The following SH3PXD2A variants were observed in gnomAD, a reference collection of about 807,000 sequenced individuals.
SH3PXD2A encodes the protein SH3 and PX domains 2A, also known as SH3 and PX domain-containing protein 2A.
A neutral mutation model predicts 115.2 loss-of-function variants in SH3PXD2A; 32 were observed. The observed-to-expected ratio is 0.28, with a 90% CI of 0.21 to 0.37. The LOEUF is 0.37. Among genes scored for constraint, SH3PXD2A ranks in the 10% least tolerant of loss-of-function variants. The pLI is 1.00. For synonymous variants in SH3PXD2A, 610 were observed against 629.1 expected (o/e 0.97, Z 0.45); for missense variants, 1,328 against 1,498.7 (o/e 0.89, Z 1.88).
At chr10:103,626,506 C>T (rs889427191) in intron 9 of SH3PXD2A, among the ~76,000 whole-genome samples, 7 of 151,870 alleles carry the variant, frequency 4.6e-5, no homozygotes, top group African/African-American at 1.7e-4. Flanking sequence ...CACAGATAGG[C>T]CCAGGCCAGT....
intron 3 of SH3PXD2A, among the ~76,000 whole-genome samples, chr10:103,744,381 G>A (rs1315850509): frequency 9.2e-5 from 14 of 152,008 alleles, no homozygotes; most frequent in African/African-American, 3.1e-4. Flanking sequence ...TCGAACTCCC[G>A]ACCTCAGGTG....
At chr10:103,646,618 C>T (rs1176362229) in intron 8 of SH3PXD2A, among the ~76,000 whole-genome samples, 1 of 152,174 alleles carries the variant, frequency 6.6e-6, no homozygotes, top group Non-Finnish European at 1.5e-5. Flanking sequence ...AACCACAGTC[C>T]CCTCAGCTGG....
chr10:103,603,012 C>T lies in SH3PXD2A; in HGVS notation c.2206G>A (p.Ala736Thr). Residue 736 changes from alanine to threonine, a missense_variant, in exon 15 of 15, where the codon GCA becomes ACA. Physicochemically the swap from Ala to Thr is moderately conservative, Grantham distance 58. Transcript: ENST00000369774. ...GCGTTCGCATCAGCATCCTTCTTTGCCCTGACCTTGGGAGTGCCGCGGATG... is the reference window on the plus strand; with the variant it reads ...GCGTTCGCATCAGCATCCTTCTTTGTCCTGACCTTGGGAGTGCCGCGGATG... ...AGIRGTPKVRAKKDADANAGL... is the reference protein window; with the variant it reads ...AGIRGTPKVRTKKDADANAGL... The T allele has an allele frequency of 6.2e-7, 1 of 1,614,152 alleles. No individual in the cohort carries two copies. Among genetic ancestry groups the T allele is most frequent in the African/African-American group, 1.3e-5 (1 of 75,062 alleles).
intron 3 of SH3PXD2A, among the ~76,000 whole-genome samples, chr10:103,757,687 A>G (rs983356420): frequency 6.6e-6 from 1 of 152,144 alleles, no homozygotes; most frequent in Admixed American, 6.5e-5. Context: ...TCCCTGCAAG[A>G]CCTGGAGGGT....
intron 3 of SH3PXD2A, chr10:103,736,812 T>A: frequency 7.8e-7 from 1 of 1,287,836 alleles, no homozygotes; most frequent in African/African-American, 1.5e-5. Context: ...GTTGCCTCAG[T>A]CTACCTAATT....
At chr10:103,769,395 GA>G (rs1220309076) in intron 2 of SH3PXD2A, among the ~76,000 whole-genome samples, 4 of 151,300 alleles carry the variant, frequency 2.6e-5, no homozygotes, top group Non-Finnish European at 5.9e-5. Flanking sequence ...AATACAGATG[GA>G]TATTTAACAA....
chr10:103,627,078 C>T lies in SH3PXD2A; in HGVS notation c.718+11G>A. 1 of 1,528,072 alleles carries T rather than the reference C, an allele frequency of 6.5e-7. No individual in the cohort carries two copies. The highest frequency in any genetic ancestry group is 2.3e-5 in the East Asian group (1 of 44,426). The allele number at this position is 1,528,072 out of a possible 1,614,324, so 94.7% of individuals were successfully genotyped here. ...CGTTGCTCCCTGCCCCTTGGACCTG[C>T]AAGCCCTCACCTTCTCCAGTCTTAG... On this transcript the variant is annotated intron_variant, in intron 9 of 14. Transcript: ENST00000369774. This position sits in a 1 kb window ranked among gnomAD's most constrained non-coding sequence, Gnocchi z 4.4.
intron 9 of SH3PXD2A, 109 bp downstream of exon 9, chr10:103,626,980 G>C: frequency 1.5e-6 from 1 of 669,392 alleles, no homozygotes; most frequent in Non-Finnish European, 2.7e-6. Context: ...GAGGAGGCTA[G>C]GATATGGCTC....
chr10:103,667,514 A>T (rs2037399239), intron 7 of SH3PXD2A, among the ~76,000 whole-genome samples: 1 of 152,198 alleles, frequency 6.6e-6, no homozygotes, highest in Non-Finnish European at 1.5e-5. Context: ...GCTCAGGCCC[A>T]GGCCCTCGTC....
chr10:103,745,400 C>T (rs936212310), intron 3 of SH3PXD2A, among the ~76,000 whole-genome samples: 7 of 152,242 alleles, frequency 4.6e-5, no homozygotes, highest in Non-Finnish European at 1.0e-4. Context: ...CTGGCTCTGC[C>T]AGTTACTGTT....
At chr10:103,727,988 C>T (rs1481107274) in intron 4 of SH3PXD2A, among the ~76,000 whole-genome samples, 6 of 152,226 alleles carry the variant, frequency 3.9e-5, no homozygotes, top group Admixed American at 2.6e-4. Context: ...CAAGCCCAGC[C>T]GTTGTGAGAA....
intron 3 of SH3PXD2A, among the ~76,000 whole-genome samples, chr10:103,766,704 G>C (rs939745273): frequency 6.6e-6 from 1 of 152,218 alleles, no homozygotes; most frequent in Non-Finnish European, 1.5e-5. Flanking sequence ...GAGGAGATCA[G>C]ATCAGGGAGT....
Position 103,606,432 on chromosome 10 carries a change from T to TAA in SH3PXD2A, c.1309-517_1309-516dup, listed in dbSNP as rs533450822. 8.7e-3 allele frequency among the ~76,000 whole-genome samples: 71 copies of TAA among 8,154 alleles called. 8 individuals carry two copies. The highest frequency in any genetic ancestry group is 0.029 in the African/African-American group (62 of 2,136). 5.3% of individuals were successfully genotyped at this position (8,154 alleles called of 152,430 possible). On this transcript the variant is annotated intron_variant, in intron 13 of 14. Transcript: ENST00000369774. ...TCTCTCAGGATCTGGAAGAATTTGC[T>TAA]AAAAAAAAAAAAAAAAAAAAAAAAA...
intron 3 of SH3PXD2A, among the ~76,000 whole-genome samples, chr10:103,743,931 G>C (rs1226646618): frequency 6.6e-6 from 1 of 152,218 alleles, no homozygotes; most frequent in East Asian, 1.9e-4. Flanking sequence ...ACAGGGTCTC[G>C]CTAGGGAAGA....
intron 1 of SH3PXD2A, among the ~76,000 whole-genome samples, chr10:103,843,252 G>A (rs991230393): frequency 2.0e-5 from 3 of 152,206 alleles, no homozygotes; most frequent in Non-Finnish European, 4.4e-5. Flanking sequence ...CACAGCCCAT[G>A]ACAGCAGCTG....
intron 1 of SH3PXD2A, among the ~76,000 whole-genome samples, chr10:103,844,558 C>T (rs1842820801): frequency 6.6e-6 from 1 of 152,190 alleles, no homozygotes; most frequent in African/African-American, 2.4e-5. Context: ...GCAACCAGGG[C>T]AAGTTCCCCA....
At chr10:103,657,621 T>C (rs1034792242) in intron 8 of SH3PXD2A, among the ~76,000 whole-genome samples, 9 of 152,250 alleles carry the variant, frequency 5.9e-5, no homozygotes, top group Non-Finnish European at 1.3e-4. Context: ...GGCCCACTGG[T>C]TGATCACAAA....
At chr10:103,662,072 T>C (rs925693943) in intron 7 of SH3PXD2A, 11 of 546,094 alleles carry the variant, frequency 2.0e-5, no homozygotes, top group Non-Finnish European at 2.6e-5. Flanking sequence ...AGTTTCTCTC[T>C]GCCTTTCAGT....
rs78675780 is a variant in SH3PXD2A, at chr10:103,752,240, G to A, written c.229+14854C>T. ...GCTTGCCTTATACAGAGGCAGCCAC[G>A]TTCTGCCAGTACAGTGGGATTTGAG... is the stretch of plus-strand genomic sequence containing the variant. On this transcript the variant is annotated intron_variant, in intron 3 of 14. Transcript: ENST00000369774. Among the ~76,000 whole-genome samples, 930 of 152,316 alleles carry A rather than the reference G, an allele frequency of 6.1e-3. 14 individuals are homozygous for A. The highest frequency in any genetic ancestry group is 0.021 in the African/African-American group (875 of 41,554).
Sources: gnomAD v4.1 joint callset for allele counts (sites outside exome capture counted in the v4.1 genomes callset) on GRCh38, gnomAD v4.1.1 for gene constraint, Gnocchi (gnomAD v3.1) non-coding constraint, MANE v1.5 for transcripts, NCBI Gene and HGNC (gene_info 2026-07-23, HGNC 2026-07-21) for gene names.